Variants in PAPPA2 observed in about 807,000 individuals in gnomAD.
PAPPA2 encodes the protein pappalysin-2.
PAPPA2 carries 86 observed loss-of-function variants against 176.4 expected under a neutral mutation model. The ratio of observed to expected loss-of-function variants is 0.49; its 90% CI spans 0.41 to 0.58. PAPPA2 has a LOEUF of 0.58. Ranked by LOEUF, PAPPA2 falls within the 20% of genes least tolerant of loss-of-function variation. The probability of loss-of-function intolerance (pLI) is 0.00; values close to 1 mark genes in which losing one functional copy is unlikely to be tolerated. For missense variants in PAPPA2, 2,073 were observed against 2,256.9 expected (o/e 0.92, Z 1.65); for synonymous variants, 809 against 852.2 (o/e 0.95, Z 0.88).
rs551047471 is a variant in PAPPA2, at chr1:176,536,113, CA to C, written c.-916-19287del. 2.3e-3 allele frequency among the ~76,000 whole-genome samples: 352 copies of C among 152,174 alleles called. 2 individuals are homozygous for C. Among genetic ancestry groups the C allele is most frequent in the African/African-American group, 8.2e-3 (340 of 41,532 alleles). ...CCCCTGTCACGGGTATCTCTACTCA[CA>C]AAAAAATAATAGCATCATTAGCAAC... On this transcript the variant is annotated intron_variant, in intron 1 of 22. Coordinates refer to ENST00000367662, the MANE Select transcript of PAPPA2 (RefSeq NM_020318.3).
intron 19 of PAPPA2, 73 bp from the exon 20 acceptor site, chr1:176,793,487 C>T (rs1380055989): frequency 2.3e-6 from 3 of 1,298,348 alleles, no homozygotes; most frequent in Non-Finnish European, 3.3e-6. Flanking sequence ...AAACTCAAAG[C>T]TATTGATTCC....
intron 12 of PAPPA2, among the ~76,000 whole-genome samples, chr1:176,718,130 A>G (rs1305290222): frequency 6.6e-6 from 1 of 152,170 alleles, no homozygotes; most frequent in Non-Finnish European, 1.5e-5. Flanking sequence ...ATGTAGAGAA[A>G]TTTAGGTTTT....
At chr1:176,624,542 T>C (rs1655899120) in intron 3 of PAPPA2, among the ~76,000 whole-genome samples, 1 of 152,194 alleles carries the variant, frequency 6.6e-6, no homozygotes, top group Non-Finnish European at 1.5e-5. Flanking sequence ...TCCTCTTATC[T>C]ATCATTCTAC....
chr1:176,770,041 C>T (rs553133164), intron 16 of PAPPA2, among the ~76,000 whole-genome samples: 6 of 152,180 alleles, frequency 3.9e-5, no homozygotes, highest in African/African-American at 1.4e-4. Context: ...CAGTGTGTAC[C>T]CCAGAGGCAA....
chr1:176,670,380 A>G lies in PAPPA2; in HGVS notation c.1992-590A>G, dbSNP rs145693098. Among the ~76,000 whole-genome samples the G allele has an allele frequency of 5.7e-4, 87 of 152,362 alleles. 1 individual carries two copies. The East Asian group carries it at 0.016, about 29-fold the overall frequency. On this transcript the variant is annotated intron_variant, in intron 3 of 22. Transcript: ENST00000367662. ...TAGAGTTTCCATGGATTAAGGGAGT[A>G]TAAAGAGAGATGTCTATACAATTGT...
intron 17 of PAPPA2, among the ~76,000 whole-genome samples, chr1:176,776,520 T>C (rs1664462562): frequency 6.6e-6 from 1 of 152,168 alleles, no homozygotes; most frequent in East Asian, 1.9e-4. Flanking sequence ...ATTGTGACTA[T>C]TTATTGTTTA....
chr1:176,473,778 G>A (rs945551689), intron 1 of PAPPA2, among the ~76,000 whole-genome samples: 1 of 152,206 alleles, frequency 6.6e-6, no homozygotes, highest in African/African-American at 2.4e-5. Context: ...ATTCCTGAAT[G>A]ATATATGATG....
chr1:176,728,248 A>T (rs1209345326), intron 12 of PAPPA2, among the ~76,000 whole-genome samples: 2 of 151,900 alleles, frequency 1.3e-5, no homozygotes, highest in Non-Finnish European at 2.9e-5. Context: ...ATACTTTATG[A>T]GATATAAAAG....
At chr1:176,577,580 C>T (rs1224966515) in intron 2 of PAPPA2, among the ~76,000 whole-genome samples, 1 of 152,118 alleles carries the variant, frequency 6.6e-6, no homozygotes, top group Non-Finnish European at 1.5e-5. Flanking sequence ...CCTCCCCAAG[C>T]TTCTTTTTTC....
In PAPPA2 at chr1:176,765,672, C is replaced by T; in HGVS notation, c.4158C>T (p.Ile1386=). 1 of 1,613,832 alleles carries T rather than the reference C, an allele frequency of 6.2e-7. No homozygotes were observed. ...EGQNHQGQSC[I]HRPCGKQDSC... ...TCTATTTCTCTTATCCCAGCTGTATCCATCGGCCCTGTGGGAAGCAGGACA... is the reference window on the plus strand; with the variant it reads ...TCTATTTCTCTTATCCCAGCTGTATTCATCGGCCCTGTGGGAAGCAGGACA... Residue 1386 remains isoleucine (I), a synonymous_variant, in exon 15 of 23, where the codon ATC becomes ATT. Transcript: ENST00000367662.
At chr1:176,724,817 A>G (rs962158550) in intron 12 of PAPPA2, among the ~76,000 whole-genome samples, 1 of 152,236 alleles carries the variant, frequency 6.6e-6, no homozygotes, top group Non-Finnish European at 1.5e-5. Context: ...AATTTATTCT[A>G]TTACTGATAT....
chr1:176,794,136 G>T (rs1051606380), intron 20 of PAPPA2, among the ~76,000 whole-genome samples: 5 of 152,110 alleles, frequency 3.3e-5, no homozygotes, highest in Middle Eastern at 3.2e-3. Flanking sequence ...TTGTATTCCT[G>T]CCTGACTTAT....
chr1:176,601,875 C>T (rs761662248), intron 3 of PAPPA2, among the ~76,000 whole-genome samples: 5 of 152,180 alleles, frequency 3.3e-5, no homozygotes, highest in African/African-American at 7.2e-5. Flanking sequence ...CTCAGAGTTA[C>T]AGTTCTTTGC....
chr1:176,812,765 T>C (rs1214634251), intron 21 of PAPPA2, among the ~76,000 whole-genome samples: 1 of 152,148 alleles, frequency 6.6e-6, no homozygotes, highest in African/African-American at 2.4e-5. Flanking sequence ...CTAATTTTCT[T>C]ACACCTTTTT....
In PAPPA2 at chr1:176,594,978, G is replaced by A. The variant is rs558899301; in HGVS notation, c.1374G>A (p.Ala458=). 2.2e-5 allele frequency: 35 copies of A among 1,614,152 alleles called. No individual in the cohort carries two copies. The East Asian group carries it at 6.0e-4, about 28-fold the overall frequency. ...EEEATDLVLT[A]SFEPVNTEWV... Reference sequence around the variant, plus strand: ...AAGCGACTGACTTGGTCCTGACAGCGAGCTTTGAGCCTGTGAACACAGAGT... The same window carrying A: ...AAGCGACTGACTTGGTCCTGACAGCAAGCTTTGAGCCTGTGAACACAGAGT... Residue 458 remains alanine (A), a synonymous_variant, in exon 3 of 23, where the codon GCG becomes GCA. Coordinates refer to ENST00000367662, the MANE Select transcript of PAPPA2 (RefSeq NM_020318.3).
chr1:176,497,530 C>G (rs960773551), intron 1 of PAPPA2, among the ~76,000 whole-genome samples: 1 of 152,170 alleles, frequency 6.6e-6, no homozygotes, highest in African/African-American at 2.4e-5. Context: ...TTTTTCAAAA[C>G]TGTATTTTGC....
intron 6 of PAPPA2, among the ~76,000 whole-genome samples, chr1:176,692,925 CTT>C (rs1199887295): frequency 2.0e-5 from 3 of 150,280 alleles, no homozygotes; most frequent in Admixed American, 6.6e-5. Flanking sequence ...TTTTTTGTCT[CTT>C]TGTCTCTTGC....
At position 176,842,547 on chromosome 1, in the gene PAPPA2, A is replaced by G. The variant is rs1346213851; in HGVS notation, c.*93A>G. 20 of 1,144,368 alleles carry G rather than the reference A, an allele frequency of 1.7e-5. No individual in the cohort carries two copies. The highest frequency in any genetic ancestry group is 1.6e-4 in the South Asian group (12 of 76,190). 70.9% of individuals were successfully genotyped at this position (1,144,368 alleles called of 1,614,324 possible). On this transcript the variant is annotated 3_prime_UTR_variant, in exon 23 of 23. Coordinates refer to ENST00000367662, the MANE Select transcript of PAPPA2 (RefSeq NM_020318.3). ...AACAAAGGGTGAATGAAGAAGAACA[A>G]TCATGAAATGGAAGAAGGAGGAAGA...
chr1:176,642,242 T>A (rs1399830414), intron 3 of PAPPA2, among the ~76,000 whole-genome samples: 1 of 151,900 alleles, frequency 6.6e-6, no homozygotes, highest in Non-Finnish European at 1.5e-5. Context: ...TAACAATAAT[T>A]GCAAAGGATA....
Sources: allele counts gnomAD v4.1 joint callset (sites outside exome capture counted in the v4.1 genomes callset), GRCh38; gene constraint gnomAD v4.1.1; transcripts MANE v1.5; gene names NCBI Gene and HGNC (gene_info 2026-07-23, HGNC 2026-07-21).